ERC2: variants seen among roughly 807,000 people sequenced by gnomAD.
ERC2 encodes ELKS/RAB6-interacting/CAST family member 2.
A neutral mutation model predicts 114.8 loss-of-function variants in ERC2; 42 were observed. The ratio of observed to expected loss-of-function variants is 0.37; its 90% CI spans 0.29 to 0.47. The LOEUF (loss-of-function observed/expected upper bound fraction) is 0.47. Ranked by LOEUF, ERC2 falls within the 20% of genes least tolerant of loss-of-function variation. The probability of loss-of-function intolerance (pLI) is 0.99; values close to 1 mark genes in which losing one functional copy is unlikely to be tolerated. For missense variants in ERC2, 939 were observed against 1,150.7 expected, an observed-to-expected ratio of 0.82 and a Z score of 2.66; for synonymous variants, 454 against 425.5, an observed-to-expected ratio of 1.07 and a Z score of -0.82.
Position 55,510,179 on chromosome 3 carries a change from A to T in ERC2, c.*1137T>A, listed in dbSNP as rs1350926398. On this transcript the variant is annotated 3_prime_UTR_variant, in exon 18 of 18. Coordinates refer to ENST00000288221, the MANE Select transcript of ERC2 (RefSeq NM_015576.3). ...TGTGTAGAGCTATATACAGAGACAC[A>T]GCTTTTGTGATTGTTCCTCATTCAT... is the stretch of plus-strand genomic sequence containing the variant. The T allele has an allele frequency of 1.3e-5, 2 of 151,756 alleles. No homozygotes were observed. The highest frequency in any genetic ancestry group is 2.9e-5 in the Non-Finnish European group (2 of 67,812). 9.4% of individuals were successfully genotyped at this position (151,756 alleles called of 1,614,324 possible).
intron 8 of ERC2, among the ~76,000 whole-genome samples, chr3:56,014,858 T>C (rs900923201): frequency 6.6e-6 from 1 of 152,124 alleles, no homozygotes; most frequent in African/African-American, 2.4e-5. Flanking sequence ...TGAACAAACA[T>C]CCCCTCATTC....
chr3:55,919,084 A>G (rs2065267867), intron 13 of ERC2, among the ~76,000 whole-genome samples: 3 of 152,200 alleles, frequency 2.0e-5, no homozygotes, highest in African/African-American at 7.2e-5. Flanking sequence ...ATGGATATTT[A>G]AAGTATGATG....
chr3:56,440,547 C>CA lies in ERC2; in HGVS notation c.-140-5401dup, dbSNP rs397877367. ...TGGGCAACAGTGCAAGACTCTGTCT[C>CA]AAAAAAAAAAAAAAAAAAGAATGGG... is the stretch of plus-strand genomic sequence containing the variant. On this transcript the variant is annotated intron_variant, in intron 1 of 17. Coordinates refer to ENST00000288221, the MANE Select transcript of ERC2 (RefSeq NM_015576.3). Among the ~76,000 whole-genome samples the CA allele has an allele frequency of 9.7e-3, 1,041 of 107,560 alleles. 9 individuals carry two copies. The highest frequency in any genetic ancestry group is 0.031 in the African/African-American group (844 of 27,658). The allele number at this position is 107,560 out of a possible 152,430, so 70.6% of individuals were successfully genotyped here.
intron 2 of ERC2, among the ~76,000 whole-genome samples, chr3:56,375,977 C>T (rs954250333): frequency 6.6e-6 from 1 of 152,114 alleles, no homozygotes; most frequent in African/African-American, 2.4e-5. Flanking sequence ...AACTGATGCC[C>T]TCAGTCCAAT....
chr3:56,378,755 C>T (rs73075814), intron 2 of ERC2, among the ~76,000 whole-genome samples: 4,788 of 152,218 alleles, frequency 0.031, 152 homozygotes, highest in African/African-American at 0.075. Flanking sequence ...CAGAGACAGG[C>T]TCCCATTCCT....
chr3:55,841,608 A>T, intron 14 of ERC2, among the ~76,000 whole-genome samples: 1 of 151,928 alleles, frequency 6.6e-6, no homozygotes, highest in South Asian at 2.1e-4. Context: ...TCTAGGTGCC[A>T]TACTAAATGC....
At chr3:56,420,624 T>G (rs9845675) in intron 2 of ERC2, among the ~76,000 whole-genome samples, 6,945 of 151,418 alleles carry the variant, frequency 0.046, 403 homozygotes, top group African/African-American at 0.13. Flanking sequence ...GGTGGCTCAC[T>G]CCTGTAATCC....
chr3:56,356,857 G>C (rs1423433734), intron 2 of ERC2, among the ~76,000 whole-genome samples: 2 of 152,116 alleles, frequency 1.3e-5, no homozygotes, highest in South Asian at 4.2e-4. Context: ...TTCCTATGCT[G>C]GGTAAATATC....
rs146855112 is a variant in ERC2 at position 55,909,286 on chromosome 3, T to A, written c.2404-20737A>T. On this transcript the variant is annotated intron_variant, in intron 13 of 17. Transcript: ENST00000288221. ...CAACTGGGAACATTCCTTGGCCACA[T>A]CAGGACAGACTAAAAACCAGAGTTC... Among the ~76,000 whole-genome samples the A allele has an allele frequency of 3.7e-3, 562 of 152,328 alleles. 9 individuals carry two copies. Among genetic ancestry groups the A allele is most frequent in the African/African-American group, 0.013 (536 of 41,576 alleles).
chr3:55,548,096 TCTC>T (rs2054886917), intron 17 of ERC2, among the ~76,000 whole-genome samples: 1 of 151,958 alleles, frequency 6.6e-6, no homozygotes, highest in Non-Finnish European at 1.5e-5. Flanking sequence ...CAGCAGGAGG[TCTC>T]CTCCAAATAA....
At chr3:55,759,462 TAAAAA>T (rs540204065) in intron 14 of ERC2, among the ~76,000 whole-genome samples, 16 of 36,058 alleles carry the variant, frequency 4.4e-4, no homozygotes, top group African/African-American at 1.6e-3. Context: ...TCTCTTTCAT[TAAAAA>T]AAAAAAAAAA....
intron 2 of ERC2, among the ~76,000 whole-genome samples, chr3:56,319,006 C>T (rs1002488787): frequency 4.7e-5 from 7 of 148,244 alleles, no homozygotes; most frequent in Non-Finnish European, 7.4e-5. Flanking sequence ...GGTAAGGATA[C>T]GGAGAAATTG....
At chr3:56,406,136 GC>G (rs35239837) in intron 2 of ERC2, among the ~76,000 whole-genome samples, 54,438 of 151,910 alleles carry the variant, frequency 0.36, 10,064 homozygotes, top group Admixed American at 0.49. Flanking sequence ...CAAGTGATCT[GC>G]CCACATCAGC....
intron 14 of ERC2, among the ~76,000 whole-genome samples, chr3:55,766,024 C>T (rs1164779454): frequency 1.1e-4 from 17 of 152,188 alleles, no homozygotes. Context: ...TCTGCTGAGG[C>T]TCAGAACCCC....
chr3:55,999,038 A>AG (rs2071819587), intron 10 of ERC2, among the ~76,000 whole-genome samples: 1 of 126,852 alleles, frequency 7.9e-6, no homozygotes, highest in South Asian at 2.5e-4. Flanking sequence ...TGAGGGACCC[A>AG]GAAGGTCTAA....
intron 4 of ERC2, among the ~76,000 whole-genome samples, chr3:56,153,304 G>T (rs751801931): frequency 1.3e-5 from 2 of 152,114 alleles, no homozygotes; most frequent in Non-Finnish European, 2.9e-5. Flanking sequence ...GCTACTCAAA[G>T]TGTGGTCACA....
At chr3:55,960,114 T>C (rs2068252798) in intron 12 of ERC2, among the ~76,000 whole-genome samples, 1 of 152,194 alleles carries the variant, frequency 6.6e-6, no homozygotes, top group Non-Finnish European at 1.5e-5. Context: ...TCTCCCTGCT[T>C]CCACTCTTGC....
chr3:55,765,856 G>A (rs1239185999), intron 14 of ERC2, among the ~76,000 whole-genome samples: 3 of 152,180 alleles, frequency 2.0e-5, no homozygotes, highest in African/African-American at 7.2e-5. Flanking sequence ...AAATGATTAC[G>A]TGATCTCACT....
intron 14 of ERC2, among the ~76,000 whole-genome samples, chr3:55,854,133 G>T (rs761341971): frequency 5.3e-5 from 8 of 152,096 alleles, no homozygotes; most frequent in Non-Finnish European, 8.8e-5. Flanking sequence ...AAATTAGCTG[G>T]GCATGGTGGC....
Sources: allele counts gnomAD v4.1 joint callset (sites outside exome capture counted in the v4.1 genomes callset), GRCh38; gene constraint gnomAD v4.1.1; transcripts MANE v1.5; gene names NCBI Gene and HGNC (gene_info 2026-07-23, HGNC 2026-07-21).